MARCHF8: variants seen among roughly 807,000 people sequenced by gnomAD.
The protein encoded by MARCHF8 is E3 ubiquitin-protein ligase MARCHF8.
MARCHF8 carries 40 observed loss-of-function variants against 51.6 expected under a neutral mutation model. That is an observed-to-expected ratio of 0.77 (90% CI 0.60 to 1.01). MARCHF8 has a LOEUF of 1.01. Ranked by LOEUF, MARCHF8 falls within the 50% of genes least tolerant of loss-of-function variation. The pLI is 0.00. For synonymous variants in MARCHF8, 263 were observed against 280.3 expected, an observed-to-expected ratio of 0.94 and a Z score of 0.62; for missense variants, 685 against 708.6, an observed-to-expected ratio of 0.97 and a Z score of 0.38.
intron 3 of MARCHF8, among the ~76,000 whole-genome samples, chr10:45,466,803 C>T (rs1229361890): frequency 6.6e-6 from 1 of 152,146 alleles, no homozygotes; most frequent in South Asian, 2.1e-4. Flanking sequence ...CAGTACTAAA[C>T]TACAAGTAAT....
rs931432312 is a variant in MARCHF8 at position 45,455,095 on chromosome 10, G to C, written c.*3144C>G. ...TCCAACCCTGAAGCCCACAGCAGGG[G>C]TGCAGAGGCAGCCCCAGATCGTGCA... is the stretch of plus-strand genomic sequence containing the variant. On this transcript the variant is annotated 3_prime_UTR_variant, in exon 8 of 8. Coordinates refer to ENST00000453424, the MANE Select transcript of MARCHF8 (RefSeq NM_001282866.2). 1 of 152,242 alleles carries C rather than the reference G, an allele frequency of 6.6e-6. No individual in the cohort carries two copies. Among genetic ancestry groups the C allele is most frequent in the Non-Finnish European group, 1.5e-5 (1 of 68,072 alleles). 9.4% of individuals were successfully genotyped at this position (152,242 alleles called of 1,614,324 possible).
At chr10:45,579,043 G>A (rs1316280090) in intron 1 of MARCHF8, among the ~76,000 whole-genome samples, 1 of 152,178 alleles carries the variant, frequency 6.6e-6, no homozygotes, top group Admixed American at 6.5e-5. Context: ...ACTGCACTAT[G>A]AATTAGATAA....
chr10:45,564,656 A>G (rs951702695), intron 1 of MARCHF8, among the ~76,000 whole-genome samples: 1 of 152,200 alleles, frequency 6.6e-6, no homozygotes, highest in Non-Finnish European at 1.5e-5. Context: ...ACTAAGTAGG[A>G]TTAATACAAA....
chr10:45,579,621 A>T (rs1391909524), intron 1 of MARCHF8, among the ~76,000 whole-genome samples: 1 of 152,212 alleles, frequency 6.6e-6, no homozygotes, highest in Non-Finnish European at 1.5e-5. Flanking sequence ...AACATTGGCA[A>T]GGATGTCCTA....
chr10:45,569,705 G>C (rs1468219979), intron 1 of MARCHF8, among the ~76,000 whole-genome samples: 1 of 152,136 alleles, frequency 6.6e-6, no homozygotes, highest in Non-Finnish European at 1.5e-5. Flanking sequence ...ACATGTCTAT[G>C]AATGACCACG....
Position 45,547,604 on chromosome 10 carries a change from A to T in MARCHF8, c.-78-14315T>A, listed in dbSNP as rs552814358. On this transcript the variant is annotated intron_variant, in intron 1 of 6. Transcript: ENST00000319836. ...CAGCAACCGATCAGGTGAACCTAAA[A>T]TATGTAGCGGTTTTTTTGTTTTTTG... Among the ~76,000 whole-genome samples, 7 of 152,294 alleles carry T rather than the reference A, an allele frequency of 4.6e-5. No homozygotes were observed. The East Asian group carries it at 1.3e-3, about 29-fold the overall frequency.
intron 1 of MARCHF8, among the ~76,000 whole-genome samples, chr10:45,545,883 G>A (rs1296317711): frequency 6.6e-6 from 1 of 152,106 alleles, no homozygotes; most frequent in African/African-American, 2.4e-5. Flanking sequence ...CTTAACCACT[G>A]GTTAGCAAGG....
chr10:45,459,652 C>A, intron 6 of MARCHF8: 1 of 946,980 alleles, frequency 1.1e-6, no homozygotes, highest in African/African-American at 1.8e-5. Flanking sequence ...CTGGCATGGA[C>A]GAGCGGAAGA....
chr10:45,459,746 G>A (rs997699575), intron 6 of MARCHF8: 1 of 985,438 alleles, frequency 1.0e-6, no homozygotes, highest in Non-Finnish European at 1.2e-6. Context: ...TCACTCTTTG[G>A]TCCTTGCTAC....
At chr10:45,514,758 C>T (rs1326764046) in intron 2 of MARCHF8, among the ~76,000 whole-genome samples, 1 of 152,164 alleles carries the variant, frequency 6.6e-6, no homozygotes, top group Non-Finnish European at 1.5e-5. Flanking sequence ...TTTGCTCTTC[C>T]TGTGTGCCAA....
chr10:45,504,891 GCTTAT>G (rs1158380732), intron 2 of MARCHF8, among the ~76,000 whole-genome samples: 1 of 152,124 alleles, frequency 6.6e-6, no homozygotes, highest in African/African-American at 2.4e-5. Flanking sequence ...CTGAGTAGGG[GCTTAT>G]ACTGAGTGGC....
In MARCHF8 at chr10:45,458,558, C is replaced by T; in HGVS notation, c.1418-15G>A. 6.4e-7 allele frequency: 1 copy of T among 1,564,018 alleles called. No individual in the cohort carries two copies. Among genetic ancestry groups the T allele is most frequent in the Non-Finnish European group, 8.6e-7 (1 of 1,159,378 alleles). On this transcript the variant is annotated splice_polypyrimidine_tract_variant and intron_variant, in intron 7 of 7. Coordinates refer to ENST00000453424, the MANE Select transcript of MARCHF8 (RefSeq NM_001282866.2). ...TTCTAGGATTCCTGGAAGGGAAAAA[C>T]TCAGCCTATTAGATTTTATTTAAGA...
intron 1 of MARCHF8, among the ~76,000 whole-genome samples, chr10:45,550,338 A>C (rs2044180925): frequency 6.6e-6 from 1 of 152,252 alleles, no homozygotes; most frequent in Admixed American, 6.5e-5. Context: ...GTTCCTTAAC[A>C]AACACATGGA....
chr10:45,578,053 T>C (rs2044509945), intron 1 of MARCHF8, among the ~76,000 whole-genome samples: 1 of 152,198 alleles, frequency 6.6e-6, no homozygotes, highest in African/African-American at 2.4e-5. Flanking sequence ...AATTAAAATA[T>C]GGATATACAT....
chr10:45,463,134 C>A lies in MARCHF8; in HGVS notation c.1088+17G>T. ...GCGAGCAGAGATGGCTAGAATGGCA[C>A]TTCCTGGCAAACCAACCTGCAGACA... On this transcript the variant is annotated intron_variant, in intron 5 of 7. Transcript: ENST00000453424. 6.5e-7 allele frequency: 1 copy of A among 1,542,054 alleles called. No individual in the cohort carries two copies. Among genetic ancestry groups the A allele is most frequent in the South Asian group, 1.2e-5 (1 of 83,216 alleles).
At chr10:45,482,834 T>A (rs139385481) in intron 3 of MARCHF8, among the ~76,000 whole-genome samples, 55 of 151,994 alleles carry the variant, frequency 3.6e-4, no homozygotes, top group Non-Finnish European at 6.5e-4. Flanking sequence ...CAGAAATAAA[T>A]CCACGTACTT....
intron 1 of MARCHF8, among the ~76,000 whole-genome samples, chr10:45,546,935 G>A (rs1277929147): frequency 6.6e-6 from 1 of 152,076 alleles, no homozygotes; most frequent in Non-Finnish European, 1.5e-5. Flanking sequence ...GAGTAATTTA[G>A]AGCATTGCCA....
chr10:45,526,749 A>C (rs1458349370), intron 2 of MARCHF8, among the ~76,000 whole-genome samples: 2 of 152,154 alleles, frequency 1.3e-5, no homozygotes. Flanking sequence ...CACTGGATTT[A>C]AATTGGACTG....
intron 2 of MARCHF8, among the ~76,000 whole-genome samples, chr10:45,523,595 G>C (rs891959141): frequency 3.3e-5 from 5 of 152,152 alleles, no homozygotes; most frequent in African/African-American, 1.2e-4. Flanking sequence ...TCAAGTTACT[G>C]ACAGAAAATC....
Sources: gnomAD v4.1 joint callset for allele counts (sites outside exome capture counted in the v4.1 genomes callset) on GRCh38, gnomAD v4.1.1 for gene constraint, MANE v1.5 for transcripts, NCBI Gene and HGNC (gene_info 2026-07-23, HGNC 2026-07-21) for gene names.